CHLSN: variants seen among roughly 807,000 people sequenced by gnomAD.
CHLSN encodes the protein protein cholesin.
At chr7:1,061,650 C>T in the CHLSN span, among the ~76,000 whole-genome samples, 2 of 152,046 alleles carry the variant, frequency 1.3e-5, no homozygotes, top group Non-Finnish European at 2.9e-5. Flanking sequence ...ATTCCCAAAG[C>T]CTTCACCTCA....
chr7:997,781 G>A, the CHLSN span: 6 of 1,606,828 alleles, frequency 3.7e-6, 1 homozygote, highest in African/African-American at 1.3e-5. Context: ...AGGCCAGCAG[G>A]GTGGAGAAGT....
At chr7:980,710 T>G in the CHLSN span, among the ~76,000 whole-genome samples, 2 of 134,508 alleles carry the variant, frequency 1.5e-5, no homozygotes, top group Non-Finnish European at 3.1e-5. Flanking sequence ...TTTTTTGAGA[T>G]GGAGTCTCAC....
At chr7:1,121,581 C>A in the CHLSN span, among the ~76,000 whole-genome samples, 1 of 152,262 alleles carries the variant, frequency 6.6e-6, no homozygotes, top group Non-Finnish European at 1.5e-5. Flanking sequence ...AGAGCCTCTA[C>A]ACGCCGGTTC....
chr7:1,081,320 C>T, the CHLSN span, among the ~76,000 whole-genome samples: 10 of 152,362 alleles, frequency 6.6e-5, no homozygotes, highest in South Asian at 2.1e-4. Flanking sequence ...TGTGAGGACC[C>T]CCTCTCCTAA....
chr7:995,937 T>A, the CHLSN span, among the ~76,000 whole-genome samples: 1 of 152,202 alleles, frequency 6.6e-6, no homozygotes, highest in Admixed American at 6.5e-5. Context: ...CACAGCTTGG[T>A]GGGTGCAGAG....
chr7:978,995 CAT>C, the CHLSN span, among the ~76,000 whole-genome samples: 27 of 152,314 alleles, frequency 1.8e-4, no homozygotes, highest in Middle Eastern at 3.4e-3. Context: ...TTCCCCTCCA[CAT>C]GGGCCCCTCT....
At chr7:992,172 C>T in the CHLSN span, among the ~76,000 whole-genome samples, 2 of 151,606 alleles carry the variant, frequency 1.3e-5, no homozygotes, top group African/African-American at 2.4e-5. Context: ...GGAGGGACGC[C>T]GACCCCGGCC....
the CHLSN span, among the ~76,000 whole-genome samples, chr7:979,539 G>A: frequency 1.1e-4 from 16 of 152,108 alleles, no homozygotes; most frequent in Admixed American, 9.8e-4. Flanking sequence ...ATCATCTGAG[G>A]TTAGGAGTTC....
chr7:1,077,188 C>G, the CHLSN span, among the ~76,000 whole-genome samples: 1 of 152,220 alleles, frequency 6.6e-6, no homozygotes, highest in Admixed American at 6.5e-5. Flanking sequence ...TGGAGTCTCT[C>G]TCTGTCGCCC....
At chr7:1,052,927 G>A in the CHLSN span, among the ~76,000 whole-genome samples, 1 of 152,206 alleles carries the variant, frequency 6.6e-6, no homozygotes, top group African/African-American at 2.4e-5. The surrounding 1 kb of genome is among the most constrained non-coding windows in gnomAD (Gnocchi z 4.2). Context: ...TGTAGGAAAA[G>A]AGCCCACTTC....
the CHLSN span, among the ~76,000 whole-genome samples, chr7:1,007,641 G>C: frequency 1.6e-4 from 25 of 152,216 alleles, no homozygotes; most frequent in African/African-American, 5.8e-4. Flanking sequence ...GTGGATCCCA[G>C]GCCTTGGAAG....
chr7:1,133,280 C>T, the CHLSN span, among the ~76,000 whole-genome samples: 41 of 150,478 alleles, frequency 2.7e-4, no homozygotes, highest in African/African-American at 1.0e-3. Context: ...AGGGATAGGG[C>T]AAGTGGAGGG....
chr7:1,063,563 C>CCAG, the CHLSN span, among the ~76,000 whole-genome samples: 2 of 152,346 alleles, frequency 1.3e-5, no homozygotes, highest in African/African-American at 4.8e-5. Context: ...GCCGTGTCTC[C>CCAG]CAGCGCCCAC....
At chr7:1,061,939 C>T in the CHLSN span, among the ~76,000 whole-genome samples, 78 of 152,182 alleles carry the variant, frequency 5.1e-4, no homozygotes, top group Middle Eastern at 3.4e-3. Context: ...GCCGTCTCCC[C>T]GACTCCCTAG....
the CHLSN span, among the ~76,000 whole-genome samples, chr7:1,016,485 ACACAGCAGCGCACAGCAG>A: frequency 1.3e-3 from 173 of 134,754 alleles, 2 homozygotes; most frequent in East Asian, 2.1e-3. Flanking sequence ...GCACAGCAGC[ACACAGCAGCGCACAGCAG>A]CACAGCAGCG....
the CHLSN span, among the ~76,000 whole-genome samples, chr7:1,016,837 G>A: frequency 4.7e-4 from 39 of 82,894 alleles, no homozygotes; most frequent in African/African-American, 1.5e-3. Context: ...GCACAGCAGC[G>A]CACGCCAGCA....
At chr7:1,050,614 A>T in the CHLSN span, among the ~76,000 whole-genome samples, 1 of 152,222 alleles carries the variant, frequency 6.6e-6, no homozygotes, top group African/African-American at 2.4e-5. Flanking sequence ...CCTGCAAGGA[A>T]GTAAGGCCCA....
chr7:1,021,961 C>CG, the CHLSN span, among the ~76,000 whole-genome samples: 5 of 152,154 alleles, frequency 3.3e-5, no homozygotes, highest in African/African-American at 1.2e-4. Flanking sequence ...CGATCCTCCG[C>CG]GGGGGTGGCA....
At chr7:996,998 C>T in the CHLSN span, 25,459 of 152,262 alleles carry the variant, frequency 0.17, 2,516 homozygotes, top group Admixed American at 0.22. Flanking sequence ...CAGAGCAGGA[C>T]CCACGGCTGC....
Sources: allele counts gnomAD v4.1 joint callset (sites outside exome capture counted in the v4.1 genomes callset), GRCh38; gene constraint gnomAD v4.1.1; non-coding constraint Gnocchi (gnomAD v3.1); transcripts MANE v1.5; gene names NCBI Gene and HGNC (gene_info 2026-07-23, HGNC 2026-07-21).